Variants in PPIL3 observed in about 807,000 individuals in gnomAD.
The protein encoded by PPIL3 is peptidyl-prolyl cis-trans isomerase-like 3.
PPIL3 carries 13 observed loss-of-function variants against 20.9 expected under a neutral mutation model. That is an observed-to-expected ratio of 0.62 (90% CI 0.40 to 0.99). PPIL3 has a LOEUF of 0.99. Ranked by LOEUF, PPIL3 falls within the 50% of genes least tolerant of loss-of-function variation. PPIL3 has a pLI of 0.00. For synonymous variants in PPIL3, 71 were observed against 64.4 expected, an observed-to-expected ratio of 1.10 and a Z score of -0.49; for missense variants, 170 against 195.2, an observed-to-expected ratio of 0.87 and a Z score of 0.77.
In PPIL3 at chr2:200,871,419, A is replaced by C. The variant is rs1395758037; in HGVS notation, c.462T>G (p.Ile154Met). The C allele has an allele frequency of 1.2e-6, 2 of 1,611,662 alleles. No individual in the cohort carries two copies. The highest frequency in any genetic ancestry group is 1.7e-5 in the Admixed American group (1 of 59,768). ...GCTACTGAGCAAATGGGTTGGCATGAATAGTTATGTCCTTAATGTGTACAT... is the reference window on the plus strand; with the variant it reads ...GCTACTGAGCAAATGGGTTGGCATGCATAGTTATGTCCTTAATGTGTACAT... ...LNDVHIKDITIHANPFAQ is the reference protein window; with the variant it reads ...LNDVHIKDITMHANPFAQ The change falls in exon 7 of 7, where the codon ATT (isoleucine) becomes ATG (methionine). Residue 154 changes from isoleucine to methionine, a missense_variant. Transcript: ENST00000392283.
At chr2:200,875,706 G>A (rs570981735) in intron 6 of PPIL3, among the ~76,000 whole-genome samples, 1 of 152,072 alleles carries the variant, frequency 6.6e-6, no homozygotes, top group East Asian at 1.9e-4. Flanking sequence ...CTGAGTAGTT[G>A]GGATTACAGG....
chr2:200,876,967 G>T lies in PPIL3; in HGVS notation c.311C>A (p.Thr104Asn). The T allele has an allele frequency of 6.2e-7, 1 of 1,613,796 alleles. No homozygotes were observed. The highest frequency in any genetic ancestry group is 8.5e-7 in the Non-Finnish European group (1 of 1,179,728). Residue 104 changes from threonine to asparagine, a missense_variant, in exon 6 of 7, where the codon ACC (threonine) becomes AAC (asparagine). By Grantham distance (65) the Thr-to-Asn change is moderately conservative (BLOSUM62 0). Transcript: ENST00000392283. ...GTCCAAATGTGGCTGTTTGCCATAG[G>T]TGATGAAGAACTGAGATCCATTGGT... ...PNTNGSQFFITYGKQPHLDMK... is the reference protein window; with the variant it reads ...PNTNGSQFFINYGKQPHLDMK...
intron 1 of PPIL3, chr2:200,888,729 T>G: frequency 3.0e-6 from 1 of 333,720 alleles, no homozygotes; most frequent in Non-Finnish European, 6.0e-6. Context: ...TTTCGCCGTG[T>G]TGGCCAGGCT....
intron 3 of PPIL3, among the ~76,000 whole-genome samples, chr2:200,882,883 G>A (rs538831634): frequency 6.8e-6 from 1 of 147,402 alleles, no homozygotes; most frequent in South Asian, 2.1e-4. Flanking sequence ...CCGGGCGACA[G>A]AGACTCCGTC....
intron 1 of PPIL3, chr2:200,888,567 G>C (rs2040063216): frequency 1.1e-5 from 2 of 190,018 alleles, no homozygotes. Context: ...CGCCAGGCTG[G>C]AGTGCAGTGC....
At chr2:200,888,598 C>A (rs2040065045) in intron 1 of PPIL3, 2 of 222,872 alleles carry the variant, frequency 9.0e-6, no homozygotes, top group Non-Finnish European at 1.9e-5. Flanking sequence ...CGGCTCACTG[C>A]AACCTCCGCC....
At chr2:200,883,244 G>A (rs893150324) in intron 3 of PPIL3, among the ~76,000 whole-genome samples, 2 of 149,656 alleles carry the variant, frequency 1.3e-5, no homozygotes, top group African/African-American at 2.5e-5. Context: ...GTGAGCCACC[G>A]TGCCTGGTCT....
In PPIL3 at chr2:200,877,006, T is replaced by A; in HGVS notation, c.272A>T (p.Asn91Ile). Residue 91 changes from asparagine to isoleucine, a missense_variant, in exon 6 of 7, where the codon AAT (asparagine) becomes ATT (isoleucine). By Grantham distance (149) the Asn-to-Ile change is moderately radical. Coordinates refer to ENST00000392283, the MANE Select transcript of PPIL3 (RefSeq NM_130906.3). The stretch of plus-strand genomic sequence containing the variant: ...AGATCCATTGGTGTTCGGGCCATTA[T>A]TAGCCATAGATACAACACCTCTAAC... ...HNVRGVVSMANNGPNTNGSQF... is the reference protein window; with the variant it reads ...HNVRGVVSMAINGPNTNGSQF... The A allele has an allele frequency of 6.2e-7, 1 of 1,613,392 alleles. No homozygotes were observed.
intron 5 of PPIL3, chr2:200,877,677 T>G (rs2039572677): frequency 6.6e-6 from 1 of 152,190 alleles, no homozygotes; most frequent in Non-Finnish European, 1.5e-5. Flanking sequence ...GTCAAGCAGA[T>G]AAACTGACAA....
chr2:200,877,018 A>G lies in PPIL3; in HGVS notation c.260T>C (p.Val87Ala). 1 of 1,610,306 alleles carries G rather than the reference A, an allele frequency of 6.2e-7. No homozygotes were observed. The highest frequency in any genetic ancestry group is 8.5e-7 in the Non-Finnish European group (1 of 1,176,498). Reference sequence around the variant, plus strand: ...GTTCGGGCCATTATTAGCCATAGATACAACACCTCTAACATTGTGCTGAAA... The same window carrying G: ...GTTCGGGCCATTATTAGCCATAGATGCAACACCTCTAACATTGTGCTGAAA... Reference protein sequence around the residue: ...EYLKHNVRGVVSMANNGPNTN... With the variant: ...EYLKHNVRGVASMANNGPNTN... Residue 87 changes from valine to alanine, a missense_variant, in exon 6 of 7, where the codon GTA becomes GCA. By Grantham distance (64) the Val-to-Ala change is moderately conservative (BLOSUM62 0). Coordinates refer to ENST00000392283, the MANE Select transcript of PPIL3 (RefSeq NM_130906.3).
intron 3 of PPIL3, 145 bp from the exon 4 acceptor site, chr2:200,882,580 A>G (rs749229652): frequency 1.4e-5 from 9 of 655,492 alleles, no homozygotes; most frequent in Non-Finnish European, 2.5e-5. Flanking sequence ...CCTGCCTACA[A>G]CACTTCAATA....
At chr2:200,885,624 GTTAGA>G in intron 3 of PPIL3, 69 bp downstream of exon 3, 3 of 957,078 alleles carry the variant, frequency 3.1e-6, no homozygotes, top group South Asian at 1.4e-5. Context: ...TGTTATTTAG[GTTAGA>G]TTATTCAATT....
chr2:200,886,725 C>T (rs955318720), intron 2 of PPIL3, among the ~76,000 whole-genome samples: 4 of 152,188 alleles, frequency 2.6e-5, no homozygotes, highest in African/African-American at 9.6e-5. Flanking sequence ...CGCGCCTGGC[C>T]TAGCAGTTAG....
At chr2:200,880,008 CA>C (rs2039663303) in intron 5 of PPIL3, among the ~76,000 whole-genome samples, 1 of 152,164 alleles carries the variant, frequency 6.6e-6, no homozygotes, top group Non-Finnish European at 1.5e-5. Context: ...ACTCCTGTAA[CA>C]AAACTAATAC....
intron 5 of PPIL3, among the ~76,000 whole-genome samples, chr2:200,878,340 C>A: frequency 6.6e-6 from 1 of 151,952 alleles, no homozygotes; most frequent in Non-Finnish European, 1.5e-5. Context: ...ATTACCTCAG[C>A]CTCTACAAGA....
At chr2:200,889,134 C>T, upstream of PPIL3, 1 of 444,368 alleles carries the variant, frequency 2.3e-6, no homozygotes, top group Non-Finnish European at 4.6e-6. Context: ...CCCTCATCTT[C>T]CTATCTCAAA....
At chr2:200,872,083 C>T (rs1230375915) in intron 6 of PPIL3, among the ~76,000 whole-genome samples, 3 of 152,216 alleles carry the variant, frequency 2.0e-5, no homozygotes. Context: ...GCCCCTACCA[C>T]TTCGGATGCC....
chr2:200,871,968 A>C (rs1217490912), intron 6 of PPIL3, among the ~76,000 whole-genome samples: 1 of 152,120 alleles, frequency 6.6e-6, no homozygotes, highest in Non-Finnish European at 1.5e-5. Flanking sequence ...TAAAGACAGG[A>C]TCTCACTGGG....
chr2:200,889,247 G>A (rs1194573417), upstream of PPIL3: 2 of 345,238 alleles, frequency 5.8e-6, no homozygotes, highest in Admixed American at 3.8e-5. Context: ...AAACTACCTG[G>A]GCAACCTCAA....
Sources: allele counts gnomAD v4.1 joint callset (sites outside exome capture counted in the v4.1 genomes callset), GRCh38; gene constraint gnomAD v4.1.1; transcripts MANE v1.5; gene names NCBI Gene and HGNC (gene_info 2026-07-23, HGNC 2026-07-21).